NFE2L3: variants seen among roughly 807,000 people sequenced by gnomAD.
NFE2L3 encodes nuclear factor erythroid 2-related factor 3.
A neutral mutation model predicts 23.5 loss-of-function variants in NFE2L3; 18 were observed. That is an observed-to-expected ratio of 0.77 (90% CI 0.53 to 1.13). The LOEUF is 1.13. Among genes scored for constraint, NFE2L3 ranks in the 50% most tolerant of loss-of-function variants. The pLI is 0.00. For synonymous variants in NFE2L3, 424 were observed against 354.5 expected (o/e 1.20, Z -2.20); for missense variants, 1,152 against 877.2 (o/e 1.31, Z -3.96).
intron 1 of NFE2L3, among the ~76,000 whole-genome samples, chr7:26,153,950 G>A (rs1054434795): frequency 1.3e-5 from 2 of 152,178 alleles, no homozygotes; most frequent in African/African-American, 4.8e-5. Context: ...GTTTGCAACT[G>A]GTAACGATCA....
At chr7:26,178,160 T>G in intron 2 of NFE2L3, 38 bp downstream of exon 2, 1 of 1,573,638 alleles carries the variant, frequency 6.4e-7, no homozygotes, top group Non-Finnish European at 8.6e-7. Context: ...GCCGTTTTGG[T>G]TTTAATGTAG....
At chr7:26,159,076 G>A (rs900761108) in intron 1 of NFE2L3, among the ~76,000 whole-genome samples, 1 of 152,168 alleles carries the variant, frequency 6.6e-6, no homozygotes, top group Non-Finnish European at 1.5e-5. Flanking sequence ...GTCTCTCTGC[G>A]TTTTGTGGGA....
chr7:26,166,636 T>C (rs1459535731), intron 1 of NFE2L3, among the ~76,000 whole-genome samples: 1 of 152,194 alleles, frequency 6.6e-6, no homozygotes, highest in Non-Finnish European at 1.5e-5. Context: ...ATAATGTACA[T>C]AGGGCCTGGC....
At chr7:26,183,959 T>C (rs1782402333) in intron 3 of NFE2L3, 175 bp downstream of exon 3, 7 of 544,396 alleles carry the variant, frequency 1.3e-5, no homozygotes, top group Non-Finnish European at 2.3e-5. Context: ...TTCCAAATAA[T>C]CCCAAAGGTA....
At chr7:26,181,803 A>G (rs1182803984) in intron 2 of NFE2L3, among the ~76,000 whole-genome samples, 1 of 152,182 alleles carries the variant, frequency 6.6e-6, no homozygotes, top group Non-Finnish European at 1.5e-5. Flanking sequence ...TCTAGAAAAG[A>G]GCCCAAATGA....
chr7:26,174,843 C>T (rs1784375396), intron 1 of NFE2L3: 1 of 152,142 alleles, frequency 6.6e-6, no homozygotes, highest in Non-Finnish European at 1.5e-5. Flanking sequence ...GGAAAAAATA[C>T]ATCCAGAGAG....
chr7:26,173,789 G>C (rs1784359462), intron 1 of NFE2L3: 2 of 152,116 alleles, frequency 1.3e-5, no homozygotes, highest in South Asian at 4.1e-4. Context: ...CCAGAATCTG[G>C]GTTACGAAGT....
chr7:26,152,592 C>G lies in NFE2L3; in HGVS notation c.94C>G (p.Leu32Val). The G allele has an allele frequency of 6.5e-7, 1 of 1,547,540 alleles. No homozygotes were observed. Among genetic ancestry groups the G allele is most frequent in the East Asian group, 2.6e-5 (1 of 38,432 alleles). The change falls in exon 1 of 4, where the codon CTT (leucine) becomes GTT (valine). Residue 32 changes from leucine to valine, a missense_variant. Transcript: ENST00000056233. The surrounding 1 kb of genome is among the most constrained non-coding windows in gnomAD (Gnocchi z 4.4). ...GGCGGGGCTCCGCGTAGACCTAGAT[C>G]TTTACCTGCTGCTGCCGCCGCCCAC... Reference protein sequence around the residue: ...SLAGLRVDLDLYLLLPPPTLL... With the variant: ...SLAGLRVDLDVYLLLPPPTLL...
intron 2 of NFE2L3, among the ~76,000 whole-genome samples, chr7:26,181,095 C>G: frequency 6.6e-6 from 1 of 152,054 alleles, no homozygotes; most frequent in Non-Finnish European, 1.5e-5. Flanking sequence ...CCCACTTCAG[C>G]CTCCCAAGTA....
At chr7:26,171,611 C>T (rs934379545) in intron 1 of NFE2L3, among the ~76,000 whole-genome samples, 6 of 151,838 alleles carry the variant, frequency 4.0e-5, no homozygotes, top group Admixed American at 6.6e-5. Flanking sequence ...GTATACCATT[C>T]GGATATTATC....
At chr7:26,181,142 A>AT (rs1784500263) in intron 2 of NFE2L3, among the ~76,000 whole-genome samples, 1 of 151,784 alleles carries the variant, frequency 6.6e-6, no homozygotes, top group Non-Finnish European at 1.5e-5. Context: ...TGCCCAGCTA[A>AT]TTTTTTGTAT....
intron 1 of NFE2L3, among the ~76,000 whole-genome samples, chr7:26,171,004 T>G (rs982680213): frequency 6.6e-6 from 1 of 152,218 alleles, no homozygotes; most frequent in African/African-American, 2.4e-5. Flanking sequence ...GAGGCTGCAG[T>G]AAGCCATGAT....
rs1782441125 is a variant in NFE2L3, at chr7:26,184,941, C to CCAGA, written c.1244_1247dup (p.Ser417ArgfsTer3). On this transcript the variant is annotated frameshift_variant, in exon 4 of 4. Coordinates refer to ENST00000056233, the MANE Select transcript of NFE2L3 (RefSeq NM_004289.7). LOFTEE classifies it low-confidence loss of function (END_TRUNC). ...CGATGTTTCTCAGCTTTTTGATGAA[C>CCAGA]CAGATTCTGATTCTGGCCTTTCTTT... 1 of 1,613,792 alleles carries CCAGA rather than the reference C, an allele frequency of 6.2e-7. No homozygotes were observed. Among genetic ancestry groups the CCAGA allele is most frequent in the Non-Finnish European group, 8.5e-7 (1 of 1,179,842 alleles).
In NFE2L3 at chr7:26,173,379, T is replaced by C. The variant is rs183394222; in HGVS notation, c.571-4564T>C. Among the ~76,000 whole-genome samples the C allele has an allele frequency of 6.6e-5, 10 of 152,348 alleles. 1 individual carries two copies. In the East Asian group the frequency reaches 1.9e-3, roughly 29 times the overall value. On this transcript the variant is annotated intron_variant, in intron 1 of 3. Coordinates refer to ENST00000056233, the MANE Select transcript of NFE2L3 (RefSeq NM_004289.7). ...GTGTAATATAGGTGACATTCTTGTG[T>C]TTGCATGTTTGTGTGTGTCCATGTG...
chr7:26,174,191 G>A (rs945543199), intron 1 of NFE2L3: 1 of 152,254 alleles, frequency 6.6e-6, no homozygotes, highest in African/African-American at 2.4e-5. Context: ...GATGAGGTAG[G>A]AGAATAGAGA....
intron 1 of NFE2L3, among the ~76,000 whole-genome samples, chr7:26,160,163 G>T (rs1018883024): frequency 2.0e-5 from 3 of 152,092 alleles, no homozygotes; most frequent in Non-Finnish European, 2.9e-5. Flanking sequence ...TTGCCATGCT[G>T]CTTAGGCTGC....
At chr7:26,164,598 T>G (rs920680483) in intron 1 of NFE2L3, among the ~76,000 whole-genome samples, 28 of 152,228 alleles carry the variant, frequency 1.8e-4, no homozygotes, top group Non-Finnish European at 4.0e-4. Flanking sequence ...TTTCCCCCAT[T>G]CTGTAGGTTG....
At position 26,185,908 on chromosome 7, in the gene NFE2L3, G is replaced by GTGT; in HGVS notation, c.*126_*127insGTT. Reference sequence around the variant, plus strand: ...TAAGTACTGCTACTTGAATAACTCAGTTAACGCTGTTTTGAAGCTTACATG... The same window carrying GTGT: ...TAAGTACTGCTACTTGAATAACTCAGTGTTTAACGCTGTTTTGAAGCTTACATG... On this transcript the variant is annotated 3_prime_UTR_variant, in exon 4 of 4. Transcript: ENST00000056233. 1 of 805,202 alleles carries GTGT rather than the reference G, an allele frequency of 1.2e-6. No homozygotes were observed. The highest frequency in any genetic ancestry group is 1.9e-6 in the Non-Finnish European group (1 of 527,150). 49.9% of individuals were successfully genotyped at this position (805,202 alleles called of 1,614,324 possible). A position where few individuals can be genotyped will look rare whatever the true frequency, so the allele number is the denominator to read the frequency against.
At chr7:26,172,132 A>G (rs1784336255) in intron 1 of NFE2L3, among the ~76,000 whole-genome samples, 1 of 152,280 alleles carries the variant, frequency 6.6e-6, no homozygotes, top group South Asian at 2.1e-4. Flanking sequence ...AGTTGAAAAT[A>G]TTAAAGTTTA....
Sources: allele counts gnomAD v4.1 joint callset (sites outside exome capture counted in the v4.1 genomes callset), GRCh38; gene constraint gnomAD v4.1.1; non-coding constraint Gnocchi (gnomAD v3.1); transcripts MANE v1.5; gene names NCBI Gene and HGNC (gene_info 2026-07-23, HGNC 2026-07-21).